PARD3: variants seen among roughly 807,000 people sequenced by gnomAD.
The protein encoded by PARD3 is par-3 family cell polarity regulator, also known as partitioning defective 3 homolog.
In PARD3, 75 loss-of-function variants were observed where a neutral mutation model predicts 155.4. The ratio of observed to expected loss-of-function variants is 0.48; its 90% CI spans 0.40 to 0.58. PARD3 has a LOEUF of 0.58. Among genes scored for constraint, PARD3 ranks in the 20% least tolerant of loss-of-function variants. PARD3 has a pLI of 0.00. For missense variants in PARD3, 1,642 were observed against 1,721.7 expected (o/e 0.95, Z 0.82); for synonymous variants, 576 against 610.5 (o/e 0.94, Z 0.83).
At chr10:34,665,861 A>AGAACG (rs1266604526) in intron 2 of PARD3, among the ~76,000 whole-genome samples, 13 of 147,688 alleles carry the variant, frequency 8.8e-5, no homozygotes, top group Non-Finnish European at 1.8e-4. Context: ...AGAACAGAAC[A>AGAACG]GAACAGAACA....
intron 5 of PARD3, among the ~76,000 whole-genome samples, chr10:34,425,244 T>C (rs1343678491): frequency 6.6e-6 from 1 of 152,146 alleles, no homozygotes; most frequent in African/African-American, 2.4e-5. Context: ...GAAACATTCA[T>C]TTGGAAGCAA....
chr10:34,626,278 G>T (rs2091977462), intron 2 of PARD3, among the ~76,000 whole-genome samples: 1 of 152,234 alleles, frequency 6.6e-6, no homozygotes, highest in Non-Finnish European at 1.5e-5. Flanking sequence ...CGTTCATGGA[G>T]TGGAATGGAA....
chr10:34,360,648 C>T (rs778261619), intron 12 of PARD3, among the ~76,000 whole-genome samples: 1 of 151,944 alleles, frequency 6.6e-6, no homozygotes, highest in South Asian at 2.1e-4. Flanking sequence ...CATTTATCTC[C>T]CTTTTTATGA....
intron 2 of PARD3, among the ~76,000 whole-genome samples, chr10:34,575,795 C>G (rs1226297144): frequency 6.6e-6 from 1 of 152,166 alleles, no homozygotes; most frequent in Middle Eastern, 3.4e-3. Flanking sequence ...ACTCAGGAGG[C>G]TGAGGCAGGA....
chr10:34,429,818 C>T (rs2075813414), intron 5 of PARD3, among the ~76,000 whole-genome samples: 1 of 152,258 alleles, frequency 6.6e-6, no homozygotes, highest in African/African-American at 2.4e-5. Context: ...AACTCCTGAC[C>T]TTGTGATCCG....
intron 22 of PARD3, among the ~76,000 whole-genome samples, chr10:34,213,763 C>G (rs890364197): frequency 2.0e-5 from 3 of 152,144 alleles, no homozygotes; most frequent in Non-Finnish European, 4.4e-5. Context: ...CAGGAGGTGA[C>G]GTGGGCAGTG....
chr10:34,125,384 C>T (rs894078950), intron 23 of PARD3, among the ~76,000 whole-genome samples: 3 of 152,248 alleles, frequency 2.0e-5, no homozygotes, highest in Middle Eastern at 6.8e-3. Context: ...TATTTCTATG[C>T]GAGGTGATTT....
At position 34,199,130 on chromosome 10, in the gene PARD3, T is replaced by C. The variant is rs768507300; in HGVS notation, c.3420-67547A>G. Reference sequence around the variant, plus strand: ...AAGATGGAGCTCTGGCATCACCCCATGACAGGATCCAATCAGATCGTGCCT... The same window carrying C: ...AAGATGGAGCTCTGGCATCACCCCACGACAGGATCCAATCAGATCGTGCCT... On this transcript the variant is annotated intron_variant, in intron 22 of 24. Transcript: ENST00000374788. Among the ~76,000 whole-genome samples the C allele has an allele frequency of 3.3e-5, 5 of 152,118 alleles. 1 individual carries two copies. Among genetic ancestry groups the C allele is most frequent in the South Asian group, 2.1e-4 (1 of 4,830 alleles).
At chr10:34,559,896 C>T (rs1480989757) in intron 2 of PARD3, among the ~76,000 whole-genome samples, 1 of 152,036 alleles carries the variant, frequency 6.6e-6, no homozygotes, top group African/African-American at 2.4e-5. Flanking sequence ...AAAATGATCC[C>T]GGGAGATGAA....
At chr10:34,359,051 G>T in intron 14 of PARD3, 96 bp downstream of exon 14, 1 of 777,678 alleles carries the variant, frequency 1.3e-6, no homozygotes, top group Non-Finnish European at 2.1e-6. Flanking sequence ...GTCTTTTGAT[G>T]TAAGGTCCTG....
At chr10:34,712,345 C>T (rs1282476733) in intron 1 of PARD3, among the ~76,000 whole-genome samples, 1 of 152,218 alleles carries the variant, frequency 6.6e-6, no homozygotes, top group Admixed American at 6.5e-5. Flanking sequence ...TCTGTATCTG[C>T]AAGCTTCACA....
At chr10:34,605,194 T>A (rs1380573799) in intron 2 of PARD3, among the ~76,000 whole-genome samples, 2 of 127,114 alleles carry the variant, frequency 1.6e-5, no homozygotes, top group African/African-American at 6.0e-5. Flanking sequence ...TTTTTTTTTT[T>A]TTTTTTTTTT....
intron 23 of PARD3, among the ~76,000 whole-genome samples, chr10:34,120,696 A>C (rs1031676071): frequency 6.6e-6 from 1 of 152,180 alleles, no homozygotes; most frequent in Non-Finnish European, 1.5e-5. Context: ...TCAAAAGAAC[A>C]AACCCAAAAG....
intron 2 of PARD3, among the ~76,000 whole-genome samples, chr10:34,657,873 G>A (rs552037568): frequency 7.9e-5 from 12 of 151,986 alleles, no homozygotes; most frequent in African/African-American, 2.9e-4. Flanking sequence ...ACAGCCAGGC[G>A]CGGTGGCTCA....
At chr10:34,378,321 G>A (rs1436318372) in intron 9 of PARD3, among the ~76,000 whole-genome samples, 3 of 152,126 alleles carry the variant, frequency 2.0e-5, no homozygotes, top group Non-Finnish European at 2.9e-5. Flanking sequence ...ATTAATCTAA[G>A]AAGAAACAGC....
intron 22 of PARD3, among the ~76,000 whole-genome samples, chr10:34,146,032 A>G (rs1290948214): frequency 6.6e-6 from 1 of 152,196 alleles, no homozygotes; most frequent in Non-Finnish European, 1.5e-5. Context: ...TGCGGGGTGC[A>G]TAAGCTTGAT....
intron 1 of PARD3, among the ~76,000 whole-genome samples, chr10:34,698,453 T>G (rs2094214136): frequency 6.6e-6 from 1 of 152,230 alleles, no homozygotes; most frequent in South Asian, 2.1e-4. Flanking sequence ...CAGCCCTGTC[T>G]GTCCATCAAG....
intron 3 of PARD3, among the ~76,000 whole-genome samples, 179 bp from the exon 4 acceptor site, chr10:34,470,442 G>A (rs2078276216): frequency 1.3e-5 from 2 of 152,186 alleles, no homozygotes; most frequent in South Asian, 4.1e-4. Context: ...ACTACACGGT[G>A]AAAGAGATGC....
intron 2 of PARD3, among the ~76,000 whole-genome samples, chr10:34,542,846 A>C (rs2083745453): frequency 6.6e-6 from 1 of 152,236 alleles, no homozygotes; most frequent in Admixed American, 6.5e-5. Flanking sequence ...AAAATGATAC[A>C]TTCCTGTGAT....
Sources: gnomAD v4.1 joint callset for allele counts (sites outside exome capture counted in the v4.1 genomes callset) on GRCh38, gnomAD v4.1.1 for gene constraint, MANE v1.5 for transcripts, NCBI Gene and HGNC (gene_info 2026-07-23, HGNC 2026-07-21) for gene names.